FGFR1: variants seen among roughly 807,000 people sequenced by gnomAD.
FGFR1 encodes the protein FGFR1/PLAG1 fusion.
In FGFR1, 18 loss-of-function variants were observed where a neutral mutation model predicts 93.7. That is an observed-to-expected ratio of 0.19 (90% CI 0.13 to 0.28). The LOEUF is 0.28. Ranked by LOEUF, FGFR1 falls within the 10% of genes least tolerant of loss-of-function variation. The probability of loss-of-function intolerance (pLI) is 1.00; values close to 1 mark genes in which losing one functional copy is unlikely to be tolerated. For missense variants in FGFR1, 731 were observed against 1,080.4 expected, an observed-to-expected ratio of 0.68 and a Z score of 4.53; for synonymous variants, 448 against 429.3, an observed-to-expected ratio of 1.04 and a Z score of -0.54.
chr8:38,413,748 G>A lies in FGFR1; in HGVS notation c.2349C>T (p.Thr783=), dbSNP rs2150509463. The part of the protein sequence containing the change: ...LDQYSPSFPD[T]RSSTCSSGED... Reference sequence around the variant, plus strand: ...CCCCTGAGGAGCACGTAGAGCTCCGGGTGTCGGGAAAGCTGGGGGAGTACT... The same window carrying A: ...CCCCTGAGGAGCACGTAGAGCTCCGAGTGTCGGGAAAGCTGGGGGAGTACT... The change falls in exon 18 of 18, where the codon ACC becomes ACT. Residue 783 remains threonine (T), a synonymous_variant. Transcript: ENST00000447712. The surrounding 1 kb of genome is among the most constrained non-coding windows in gnomAD (Gnocchi z 4.2). The A allele has an allele frequency of 1.9e-6, 3 of 1,614,156 alleles. No individual in the cohort carries two copies. The highest frequency in any genetic ancestry group is 2.5e-6 in the Non-Finnish European group (3 of 1,180,026).
intron 6 of FGFR1, among the ~76,000 whole-genome samples, chr8:38,425,541 C>A (rs532896285): frequency 8.0e-4 from 122 of 152,220 alleles, no homozygotes; most frequent in African/African-American, 2.8e-3. Context: ...AGATTCTGTA[C>A]CCAATGATCT....
intron 8 of FGFR1, 98 bp from the exon 9 acceptor site, chr8:38,419,833 G>A (rs1186846416): frequency 4.9e-6 from 5 of 1,016,574 alleles, no homozygotes; most frequent in African/African-American, 1.6e-5. Context: ...CTGTCCCCTG[G>A]GAACTTTTAG....
rs1586323853 is a variant in FGFR1, at chr8:38,426,716, A to G, written c.622-471T>C. On this transcript the variant is annotated intron_variant, in intron 5 of 17. Coordinates refer to ENST00000447712, the MANE Select transcript of FGFR1 (RefSeq NM_023110.3). The surrounding 1 kb of genome is among the most constrained non-coding windows in gnomAD (Gnocchi z 4.1). ...CTTTTTACGGTAGCTGCTCATGGAC[A>G]TTTGCCTCCTATCAGACTGCAAAAT... Among the ~76,000 whole-genome samples the G allele has an allele frequency of 6.6e-6, 1 of 152,198 alleles. No homozygotes were observed. Among genetic ancestry groups the G allele is most frequent in the African/African-American group, 2.4e-5 (1 of 41,454 alleles).
intron 6 of FGFR1, among the ~76,000 whole-genome samples, chr8:38,425,359 GCTGGTCTCACACTC>G (rs1174901406): frequency 1.3e-5 from 2 of 152,136 alleles, no homozygotes; most frequent in East Asian, 3.9e-4. Context: ...TGTTGCCCAG[GCTGGTCTCACACTC>G]CTGGCCTCAA....
At chr8:38,463,395 A>C (rs116376582) in intron 1 of FGFR1, 4,341 of 195,510 alleles carry the variant, frequency 0.022, 212 homozygotes, top group African/African-American at 0.093. Context: ...CATTCCTCCA[A>C]ATTTGCAAAC....
intron 2 of FGFR1, among the ~76,000 whole-genome samples, chr8:38,454,973 CT>C (rs11434747): frequency 0.011 from 1,220 of 111,164 alleles, 16 homozygotes; most frequent in African/African-American, 0.035. Context: ...TCTTTTCTTG[CT>C]TTTTTTTTTT....
rs1814437321 is a variant in FGFR1 at position 38,411,616 on chromosome 8, T to C, written c.*2012A>G. 1 of 229,080 alleles carries C rather than the reference T, an allele frequency of 4.4e-6. No individual in the cohort carries two copies. Among genetic ancestry groups the C allele is most frequent in the Non-Finnish European group, 8.7e-6 (1 of 115,308 alleles). 14.2% of individuals were successfully genotyped at this position (229,080 alleles called of 1,614,324 possible). ...ACAGAAATGAAAACATATTGAACTT[T>C]CTTTTGTATTTAGCAGTAATCCAGC... On this transcript the variant is annotated 3_prime_UTR_variant, in exon 18 of 18. Transcript: ENST00000447712.
At chr8:38,442,394 T>C (rs62505469) in intron 2 of FGFR1, among the ~76,000 whole-genome samples, 3 of 146,954 alleles carry the variant, frequency 2.0e-5, no homozygotes, top group African/African-American at 7.5e-5. Flanking sequence ...TGTGTGTGTG[T>C]GCAGGGGTCC....
At chr8:38,418,584 A>G (rs953177945) in intron 9 of FGFR1, 14 of 600,732 alleles carry the variant, frequency 2.3e-5, no homozygotes, top group African/African-American at 2.0e-4. Flanking sequence ...GCCTTTCTGG[A>G]CTTCACTCAC....
chr8:38,443,311 C>CA (rs1391868034), intron 2 of FGFR1, among the ~76,000 whole-genome samples: 1 of 152,086 alleles, frequency 6.6e-6, no homozygotes, highest in Non-Finnish European at 1.5e-5. Flanking sequence ...GTGCGTGGAT[C>CA]AAAACATCAT....
intron 9 of FGFR1, among the ~76,000 whole-genome samples, chr8:38,418,995 G>A (rs1817750694): frequency 6.6e-6 from 1 of 152,192 alleles, no homozygotes; most frequent in South Asian, 2.1e-4. Context: ...GAGATCTGAT[G>A]ATTTTATAAA....
chr8:38,468,182 C>G lies in FGFR1; in HGVS notation c.-290G>C, dbSNP rs1429959279. ...CCAGCCCGGGCGGGAACAATGGAGC[C>G]GGAGCTGGTGCCCCGGAGGCGGGGC... is the stretch of plus-strand genomic sequence containing the variant. On this transcript the variant is annotated 5_prime_UTR_variant, in exon 1 of 18. Transcript: ENST00000447712. 1 of 228,680 alleles carries G rather than the reference C, an allele frequency of 4.4e-6. No homozygotes were observed. Among genetic ancestry groups the G allele is most frequent in the Non-Finnish European group, 8.7e-6 (1 of 114,956 alleles). The allele number at this position is 228,680 out of a possible 1,614,324, so 14.2% of individuals were successfully genotyped here.
At chr8:38,450,578 C>T (rs563045287) in intron 2 of FGFR1, among the ~76,000 whole-genome samples, 5 of 152,280 alleles carry the variant, frequency 3.3e-5, no homozygotes, top group South Asian at 2.1e-4. Context: ...AACACCCCTC[C>T]GTGCTGGGGC....
Position 38,429,681 on chromosome 8 carries a change from C to A in FGFR1, c.358+1G>T. The A allele has an allele frequency of 6.4e-7, 1 of 1,565,032 alleles. No individual in the cohort carries two copies. Among genetic ancestry groups the A allele is most frequent in the East Asian group, 2.4e-5 (1 of 41,892 alleles). ...GGCAAGGGCAGGGCTTGGCTACCAA[C>A]CTGAAACATTGACGGAGAAGTAGGT... On this transcript the variant is annotated splice_donor_variant, in intron 3 of 17. Coordinates refer to ENST00000447712, the MANE Select transcript of FGFR1 (RefSeq NM_023110.3). LOFTEE classifies it high-confidence loss of function. The surrounding 1 kb of genome is among the most constrained non-coding windows in gnomAD (Gnocchi z 4.4).
chr8:38,416,443 G>C (rs1267571249), intron 12 of FGFR1, among the ~76,000 whole-genome samples: 2 of 140,764 alleles, frequency 1.4e-5, no homozygotes, highest in African/African-American at 2.6e-5. Flanking sequence ...AACAATGCCT[G>C]GCTAATTTTT....
At chr8:38,415,831 C>A in intron 13 of FGFR1, 39 bp downstream of exon 13, 1 of 1,593,862 alleles carries the variant, frequency 6.3e-7, no homozygotes, top group South Asian at 1.1e-5. Context: ...GCTCTGTTCC[C>A]ACCCTGGCAT....
In FGFR1 at chr8:38,412,743, A is replaced by G. The variant is rs1045280493; in HGVS notation, c.*885T>C. ...CCCATAGATAAATGAAGCAGCAGCA[A>G]TTTTTATTGAGGGACCTAAACTGAA... On this transcript the variant is annotated 3_prime_UTR_variant, in exon 18 of 18. Transcript: ENST00000447712. 4.3e-6 allele frequency: 1 copy of G among 233,518 alleles called. No homozygotes were observed. Among genetic ancestry groups the G allele is most frequent in the African/African-American group, 2.2e-5 (1 of 45,334 alleles). 14.5% of individuals were successfully genotyped at this position (233,518 alleles called of 1,614,324 possible). A position where few individuals can be genotyped will look rare whatever the true frequency, so the allele number is the denominator to read the frequency against.
At chr8:38,464,107 G>A (rs1349105399) in intron 1 of FGFR1, among the ~76,000 whole-genome samples, 1 of 152,070 alleles carries the variant, frequency 6.6e-6, no homozygotes, top group Non-Finnish European at 1.5e-5. Flanking sequence ...TTGAGGTCAG[G>A]AGTTCAAGCC....
intron 2 of FGFR1, among the ~76,000 whole-genome samples, chr8:38,436,922 C>T (rs1186836233): frequency 6.6e-6 from 1 of 152,160 alleles, no homozygotes; most frequent in Non-Finnish European, 1.5e-5. Flanking sequence ...AAATCTCCCA[C>T]AGTCATTTAG....
Sources: gnomAD v4.1 joint callset for allele counts (sites outside exome capture counted in the v4.1 genomes callset) on GRCh38, gnomAD v4.1.1 for gene constraint, Gnocchi (gnomAD v3.1) non-coding constraint, MANE v1.5 for transcripts, NCBI Gene and HGNC (gene_info 2026-07-23, HGNC 2026-07-21) for gene names.